The following CFAP46 variants were observed in gnomAD, a reference collection of about 807,000 sequenced individuals.
CFAP46 encodes the protein cilia- and flagella-associated protein 46.
Under a neutral mutation model 325.7 loss-of-function variants are expected in CFAP46, and 245 were observed. That is an observed-to-expected ratio of 0.75 (90% CI 0.68 to 0.84). The LOEUF (loss-of-function observed/expected upper bound fraction) is 0.84. Ranked by LOEUF, CFAP46 falls within the 40% of genes least tolerant of loss-of-function variation. The pLI is 0.00. For synonymous variants in CFAP46, 1,523 were observed against 1,495.9 expected (o/e 1.02, Z -0.42); for missense variants, 3,346 against 3,543.0 (o/e 0.94, Z 1.41).
rs932174495 is a variant in CFAP46 at position 132,898,818 on chromosome 10, C to T, written c.3219+141G>A. 2.4e-5 allele frequency: 28 copies of T among 1,185,308 alleles called. No individual in the cohort carries two copies. In the African/African-American group the frequency reaches 4.1e-4, roughly 17 times the overall value. 73.4% of individuals were successfully genotyped at this position (1,185,308 alleles called of 1,614,324 possible). A position where few individuals can be genotyped will look rare whatever the true frequency, so the allele number is the denominator to read the frequency against. On this transcript the variant is annotated intron_variant, in intron 24 of 57. Coordinates refer to ENST00000368586, the MANE Select transcript of CFAP46 (RefSeq NM_001200049.3). ...GGGACTTGGAGACCCCCCTTAACCCCCTCCCCTCCTCGGCTGGTGCTGGTG... is the reference window on the plus strand; with the variant it reads ...GGGACTTGGAGACCCCCCTTAACCCTCTCCCCTCCTCGGCTGGTGCTGGTG...
At chr10:132,850,786 C>G (rs1166695659) in intron 40 of CFAP46, among the ~76,000 whole-genome samples, 2 of 151,600 alleles carry the variant, frequency 1.3e-5, no homozygotes, top group African/African-American at 2.4e-5. Flanking sequence ...TTTTTTTTAC[C>G]AAAATGGAGT....
At chr10:132,916,906 G>C (rs1849648386) in intron 16 of CFAP46, among the ~76,000 whole-genome samples, 1 of 152,226 alleles carries the variant, frequency 6.6e-6, no homozygotes, top group Non-Finnish European at 1.5e-5. Context: ...ACAAGGGTCA[G>C]GGAAGAGAAG....
chr10:132,852,161 C>T (rs4880278), intron 39 of CFAP46, among the ~76,000 whole-genome samples: 1 of 133,464 alleles, frequency 7.5e-6, no homozygotes, highest in Non-Finnish European at 1.6e-5. Flanking sequence ...GTGGTATGTT[C>T]CTCCATTTAC....
rs531138661 is a variant in CFAP46 at position 132,900,828 on chromosome 10, C to G, written c.2925-1162G>C. Among the ~76,000 whole-genome samples the G allele has an allele frequency of 1.4e-4, 21 of 152,340 alleles. 2 individuals carry two copies. The East Asian group carries it at 3.3e-3, about 24-fold the overall frequency. On this transcript the variant is annotated intron_variant, in intron 22 of 57. Transcript: ENST00000368586. ...CATCTGTAGCCTCAGTGACTTCCCC[C>G]CTACTTTGTTCTGTCAGCTGCTGAG...
chr10:132,836,133 C>G lies in CFAP46; in HGVS notation c.6613+9G>C. The G allele has an allele frequency of 1.2e-6, 2 of 1,602,360 alleles. No individual in the cohort carries two copies. Among genetic ancestry groups the G allele is most frequent in the Non-Finnish European group, 1.7e-6 (2 of 1,177,704 alleles). On this transcript the variant is annotated intron_variant, in intron 46 of 57. Transcript: ENST00000368586. Reference sequence around the variant, plus strand: ...GCTCCCCCTCCCCCTCCCCTGCAGCCCTGCTCACCTCCCACCGCCTGCACC... The same window carrying G: ...GCTCCCCCTCCCCCTCCCCTGCAGCGCTGCTCACCTCCCACCGCCTGCACC...
intron 22 of CFAP46, among the ~76,000 whole-genome samples, chr10:132,904,314 T>C (rs547470767): frequency 6.0e-4 from 91 of 152,328 alleles, no homozygotes; most frequent in African/African-American, 1.9e-3. Flanking sequence ...TCCAGTCTCC[T>C]GGCACCCAGG....
chr10:132,814,894 C>T lies in CFAP46; in HGVS notation c.7138G>A (p.Gly2380Arg). The T allele has an allele frequency of 6.2e-7, 1 of 1,614,184 alleles. No individual in the cohort carries two copies. Among genetic ancestry groups the T allele is most frequent in the South Asian group, 1.1e-5 (1 of 91,082 alleles). The part of the protein sequence containing the change: ...EETEGGVKKE[G>R]RSRDPKKRSL... Reference sequence around the variant, plus strand: ...CTCTTTTTGGGGTCTCTGCTTCTTCCCTCCTTTTTCACGCCACCTTCTGTT... The same window carrying T: ...CTCTTTTTGGGGTCTCTGCTTCTTCTCTCCTTTTTCACGCCACCTTCTGTT... The change falls in exon 51 of 58, where the codon GGA becomes AGA. Residue 2380 changes from glycine (G) to arginine (R), a missense_variant. Transcript: ENST00000368586.
Position 132,836,950 on chromosome 10 carries a change from T to G in CFAP46, c.6439-36A>C, listed in dbSNP as rs746638216. On this transcript the variant is annotated intron_variant, in intron 44 of 57. Coordinates refer to ENST00000368586, the MANE Select transcript of CFAP46 (RefSeq NM_001200049.3). Reference sequence around the variant, plus strand: ...AAAAACGGCCATCAGGGGATGCATTTAGGACGCAAGGACGTCGCTGTGCTG... The same window carrying G: ...AAAAACGGCCATCAGGGGATGCATTGAGGACGCAAGGACGTCGCTGTGCTG... 2.0e-6 allele frequency: 3 copies of G among 1,487,512 alleles called. No homozygotes were observed. In the East Asian group the frequency reaches 6.8e-5, roughly 34 times the overall value. 92.1% of individuals were successfully genotyped at this position (1,487,512 alleles called of 1,614,324 possible). A position where few individuals can be genotyped will look rare whatever the true frequency, so the allele number is the denominator to read the frequency against.
chr10:132,904,920 T>G (rs1849435730), intron 22 of CFAP46, among the ~76,000 whole-genome samples: 1 of 152,120 alleles, frequency 6.6e-6, no homozygotes, highest in African/African-American at 2.4e-5. Context: ...CCAACTGACT[T>G]GTGTGGCCAG....
In CFAP46 at chr10:132,916,589, G is replaced by A. The variant is rs1205511715; in HGVS notation, c.2080C>T (p.Pro694Ser). ...TCAGCATTCACCTCCGGGGGCTCAG[G>A]CACGTAGCCAGCTGGGTGCTGGCTC... ...DLSQHPAGYVPEPPEVNAEWI... is the reference protein window; with the variant it reads ...DLSQHPAGYVSEPPEVNAEWI... The change falls in exon 17 of 58, where the codon CCT becomes TCT. Residue 694 changes from proline (P) to serine (S), a missense_variant. Coordinates refer to ENST00000368586, the MANE Select transcript of CFAP46 (RefSeq NM_001200049.3). The A allele has an allele frequency of 6.5e-7, 1 of 1,547,490 alleles. No individual in the cohort carries two copies. The highest frequency in any genetic ancestry group is 8.7e-7 in the Non-Finnish European group (1 of 1,145,552).
intron 23 of CFAP46, 139 bp downstream of exon 23, chr10:132,899,396 C>G: frequency 8.0e-7 from 1 of 1,247,018 alleles, no homozygotes. Flanking sequence ...GTGCCCTGAA[C>G]TGGCCGCACC....
intron 33 of CFAP46, among the ~76,000 whole-genome samples, 169 bp from the exon 34 acceptor site, chr10:132,867,676 A>G (rs1848836838): frequency 6.6e-6 from 1 of 152,052 alleles, no homozygotes; most frequent in Admixed American, 6.5e-5. Context: ...CCGACTCCCA[A>G]ATTTGTGTCC....
chr10:132,900,135 T>A (rs1049602213), intron 22 of CFAP46, among the ~76,000 whole-genome samples: 2 of 152,196 alleles, frequency 1.3e-5, no homozygotes, highest in African/African-American at 4.8e-5. Flanking sequence ...CATTAACTGT[T>A]TTTTTAATGA....
At position 132,833,529 on chromosome 10, in the gene CFAP46, G is replaced by C. The variant is rs1401328798; in HGVS notation, c.6950-4C>G. The C allele has an allele frequency of 2.5e-6, 4 of 1,612,856 alleles. No individual in the cohort carries two copies. In the Admixed American group the frequency reaches 6.7e-5, roughly 27 times the overall value. On this transcript the variant is annotated splice_region_variant and splice_polypyrimidine_tract_variant and intron_variant, in intron 49 of 57. Coordinates refer to ENST00000368586, the MANE Select transcript of CFAP46 (RefSeq NM_001200049.3). ...GCAACCTCAGGCTGGACTGTGCCTG[G>C]GAAACAGCAGTGCAGGGAGATCAGC...
At chr10:132,843,335 G>A (rs1848373916) in intron 44 of CFAP46, among the ~76,000 whole-genome samples, 1 of 147,328 alleles carries the variant, frequency 6.8e-6, no homozygotes, top group Non-Finnish European at 1.5e-5. Context: ...GCTCCTGGTG[G>A]GCATTCCCAG....
chr10:132,837,157 T>G (rs1848265540), intron 44 of CFAP46: 1 of 504,308 alleles, frequency 2.0e-6, no homozygotes, highest in East Asian at 3.4e-5. Flanking sequence ...TCTCCGGTTG[T>G]TAATGTTTAG....
chr10:132,825,346 C>T (rs977778528), intron 50 of CFAP46, among the ~76,000 whole-genome samples: 2 of 152,140 alleles, frequency 1.3e-5, no homozygotes, highest in Non-Finnish European at 2.9e-5. Context: ...GTGTGTCCAC[C>T]GCGCTGTGGG....
In CFAP46 at chr10:132,910,076, AGACGTGTTCTCGGTCACGAAACCT is replaced by A; in HGVS notation, c.2500-32_2500-9del. Reference sequence around the variant, plus strand: ...CAGGGCAAACTCGCAGACCTAGGACAGACGTGTTCTCGGTCACGAAACCTGAATTCTAAACAGGGGACCTTGAGC... The same window carrying A: ...CAGGGCAAACTCGCAGACCTAGGACAGAATTCTAAACAGGGGACCTTGAGC... On this transcript the variant is annotated splice_polypyrimidine_tract_variant and intron_variant, in intron 19 of 57. Transcript: ENST00000368586. 7.0e-7 allele frequency: 1 copy of A among 1,428,480 alleles called. No individual in the cohort carries two copies. Among genetic ancestry groups the A allele is most frequent in the Non-Finnish European group, 9.2e-7 (1 of 1,086,634 alleles). The allele number at this position is 1,428,480 out of a possible 1,614,324, so 88.5% of individuals were successfully genotyped here. A position where few individuals can be genotyped will look rare whatever the true frequency, so the allele number is the denominator to read the frequency against.
chr10:132,813,537 G>A (rs11498481), intron 54 of CFAP46, among the ~76,000 whole-genome samples: 18,689 of 30,508 alleles, frequency 0.61, 6,652 homozygotes, highest in African/African-American at 0.85. Flanking sequence ...CTGCAGCCCC[G>A]CCCCTGCACA....
Sources: gnomAD v4.1 joint callset for allele counts (sites outside exome capture counted in the v4.1 genomes callset) on GRCh38, gnomAD v4.1.1 for gene constraint, MANE v1.5 for transcripts, NCBI Gene and HGNC (gene_info 2026-07-23, HGNC 2026-07-21) for gene names.